Variants in SVIL observed in about 807,000 individuals in gnomAD.
SVIL encodes the protein supervillin, also known as archvillin.
A neutral mutation model predicts 240.4 loss-of-function variants in SVIL; 101 were observed. The ratio of observed to expected loss-of-function variants is 0.42; its 90% confidence interval spans 0.36 to 0.50. The LOEUF (loss-of-function observed/expected upper bound fraction) is 0.50, where lower values mean the gene tolerates loss of function less well. Among genes scored for constraint, SVIL ranks in the 20% least tolerant of loss-of-function variants. The probability of loss-of-function intolerance (pLI) is 0.01; values close to 1 mark genes in which losing one functional copy is unlikely to be tolerated. For missense variants in SVIL, 2,512 were observed against 2,818.7 expected (o/e 0.89, Z 2.46); for synonymous variants, 999 against 1,100.0 (o/e 0.91, Z 1.82).
At chr10:29,470,607 G>T in intron 31 of SVIL, 124 bp from the exon 32 acceptor site, 9 of 1,071,794 alleles carry the variant, frequency 8.4e-6, no homozygotes, top group Non-Finnish European at 1.2e-5. Flanking sequence ...GGGACTTAGG[G>T]GACTGGAGGG....
At chr10:29,538,847 T>G (rs1951929304) in intron 6 of SVIL, among the ~76,000 whole-genome samples, 1 of 152,170 alleles carries the variant, frequency 6.6e-6, no homozygotes, top group Admixed American at 6.5e-5. Context: ...ATCTGTAAAA[T>G]AAATACAAAT....
chr10:29,561,253 A>T (rs544322902), intron 3 of SVIL, among the ~76,000 whole-genome samples: 1 of 152,214 alleles, frequency 6.6e-6, no homozygotes, highest in South Asian at 2.1e-4. Context: ...TTTATGACAA[A>T]TTTTTTAATA....
At chr10:29,462,233 A>G in intron 36 of SVIL, 44 bp downstream of exon 36, 7 of 1,588,202 alleles carry the variant, frequency 4.4e-6, no homozygotes, top group Non-Finnish European at 6.0e-6. Context: ...CCACAATCCA[A>G]AAGGCGCAGG....
At chr10:29,683,146 T>C (rs1358458376) in intron 2 of SVIL, among the ~76,000 whole-genome samples, 1 of 152,176 alleles carries the variant, frequency 6.6e-6, no homozygotes, top group Non-Finnish European at 1.5e-5. Flanking sequence ...TCCAGAAAAG[T>C]GGGACAACTG....
rs765560567 is a variant in SVIL, at chr10:29,523,910, G to A, written c.2704C>T (p.His902Tyr). The A allele has an allele frequency of 1.2e-6, 2 of 1,614,156 alleles. No homozygotes were observed. Among genetic ancestry groups the A allele is most frequent in the South Asian group, 2.2e-5 (2 of 91,082 alleles). ...GDLRTKPPLD[H>Y]NASATDYKFS... ...TTATAGTCAGTGGCACTTGCATTGT[G>A]GTCAAGAGGTGGCTTTGTGCGAAGA... Residue 902 changes from histidine (H) to tyrosine (Y), a missense_variant, in exon 15 of 38, where the codon CAC becomes TAC. Transcript: ENST00000355867.
intron 13 of SVIL, among the ~76,000 whole-genome samples, chr10:29,526,571 G>A (rs1950935608): frequency 1.3e-5 from 2 of 151,982 alleles, no homozygotes; most frequent in African/African-American, 4.8e-5. Context: ...TCAAAGTGCT[G>A]GGATTACAGG....
At chr10:29,524,858 A>C in intron 13 of SVIL, 143 bp from the exon 14 acceptor site, 1 of 1,276,530 alleles carries the variant, frequency 7.8e-7, no homozygotes, top group Non-Finnish European at 1.1e-6. Flanking sequence ...AGAGGCAGGC[A>C]GCTGTTCAGC....
At chr10:29,466,207 CAT>C (rs1287565833) in intron 33 of SVIL, among the ~76,000 whole-genome samples, 3 of 146,616 alleles carry the variant, frequency 2.0e-5, no homozygotes, top group Non-Finnish European at 4.5e-5. Context: ...GTGTATATCA[CAT>C]ACACATATGT....
intron 29 of SVIL, among the ~76,000 whole-genome samples, chr10:29,478,312 G>A (rs913034): frequency 0.53 from 80,645 of 152,124 alleles, 21,637 homozygotes; most frequent in South Asian, 0.65. Context: ...ACATTATCTT[G>A]TCTTCAAGTT....
intron 8 of SVIL, 126 bp from the exon 9 acceptor site, chr10:29,532,298 T>C: frequency 7.9e-7 from 1 of 1,266,952 alleles, no homozygotes; most frequent in Non-Finnish European, 1.1e-6. Context: ...TTCATGCCTC[T>C]ACCATGCACG....
At chr10:29,670,656 A>ACTCT (rs61563977) in intron 2 of SVIL, among the ~76,000 whole-genome samples, 37,175 of 151,894 alleles carry the variant, frequency 0.24, 5,490 homozygotes, top group African/African-American at 0.41. Flanking sequence ...GGTTCAGGAA[A>ACTCT]CTCTGAGTTT....
chr10:29,658,295 C>T (rs1263925817), intron 2 of SVIL, among the ~76,000 whole-genome samples: 1 of 152,164 alleles, frequency 6.6e-6, no homozygotes, highest in Non-Finnish European at 1.5e-5. Flanking sequence ...TAAAAGAATG[C>T]ATTTTTCCCA....
intron 34 of SVIL, 66 bp downstream of exon 34, chr10:29,465,529 A>C: frequency 6.5e-7 from 1 of 1,532,474 alleles, no homozygotes; most frequent in Non-Finnish European, 8.7e-7. Flanking sequence ...ACCAACGTAA[A>C]ATCAAAAGGC....
chr10:29,570,342 T>C (rs1955330175), intron 1 of SVIL, among the ~76,000 whole-genome samples: 2 of 152,360 alleles, frequency 1.3e-5, no homozygotes, highest in Middle Eastern at 3.4e-3. Flanking sequence ...ATCTGAGGTC[T>C]GAATTGTTCA....
chr10:29,645,407 TAAAAATACAA>T (rs1958622917), intron 3 of SVIL, among the ~76,000 whole-genome samples: 1 of 151,970 alleles, frequency 6.6e-6, no homozygotes. Context: ...ATGTCTCTAC[TAAAAATACAA>T]AAATTAGTCA....
In SVIL at chr10:29,581,653, T is replaced by A. The variant is rs180814492; in HGVS notation, c.-200-12341A>T. 1.3e-3 allele frequency among the ~76,000 whole-genome samples: 203 copies of A among 152,340 alleles called. 1 individual carries two copies. Among genetic ancestry groups the A allele is most frequent in the African/African-American group, 4.7e-3 (196 of 41,574 alleles). ...TCACCTAAAAGACTTATTAGTGTCT[T>A]TAAAGTTAATGTTCAAAAGAGTAAT... On this transcript the variant is annotated intron_variant, in intron 1 of 37. Coordinates refer to ENST00000355867, the MANE Select transcript of SVIL (RefSeq NM_021738.3).
At chr10:29,526,814 T>C in intron 13 of SVIL, 147 bp downstream of exon 13, 1 of 646,050 alleles carries the variant, frequency 1.5e-6, no homozygotes, top group South Asian at 2.4e-5. Flanking sequence ...CCTTGTGCTA[T>C]GACAAAACAA....
upstream of SVIL, among the ~76,000 whole-genome samples, chr10:29,639,659 G>T (rs1047682127): frequency 4.6e-5 from 7 of 152,048 alleles, no homozygotes; most frequent in East Asian, 1.9e-4. Context: ...AGTAGACAGG[G>T]TTTCACCATG....
chr10:29,658,459 A>T lies in SVIL; in HGVS notation c.-300-391T>A, dbSNP rs542093409. Among the ~76,000 whole-genome samples the T allele has an allele frequency of 3.9e-5, 6 of 152,324 alleles. No individual in the cohort carries two copies. The South Asian group carries it at 1.0e-3, about 26-fold the overall frequency. On this transcript the variant is annotated intron_variant, in intron 2 of 35. Coordinates refer to the SVIL transcript ENST00000375400. The stretch of plus-strand genomic sequence containing the variant: ...TTTCTAAATTCAAATTTAAAATCAG[A>T]TCCAAATATAGGGATGGCCAGGCAT...
Sources: allele counts gnomAD v4.1 joint callset (sites outside exome capture counted in the v4.1 genomes callset), GRCh38; gene constraint gnomAD v4.1.1; transcripts MANE v1.5; gene names NCBI Gene and HGNC (gene_info 2026-07-23, HGNC 2026-07-21).